GLE1: variants seen among roughly 807,000 people sequenced by gnomAD.
GLE1 encodes GLE1 RNA export mediator, also known as mRNA export factor GLE1.
Under a neutral mutation model 97.3 loss-of-function variants are expected in GLE1, and 78 were observed. The observed-to-expected ratio is 0.80, with a 90% CI of 0.67 to 0.97. The LOEUF is 0.97. GLE1 is among the 50% of genes least tolerant of loss of function. The pLI, the probability that GLE1 is intolerant of heterozygous loss-of-function variation, is 0.00. For synonymous variants in GLE1, 302 were observed against 313.4 expected (o/e 0.96, Z 0.39); for missense variants, 753 against 857.5 (o/e 0.88, Z 1.52).
At chr9:128,526,746 T>G (rs1267060573) in intron 7 of GLE1, among the ~76,000 whole-genome samples, 2 of 151,960 alleles carry the variant, frequency 1.3e-5, no homozygotes, top group Non-Finnish European at 2.9e-5. Context: ...TATGGCTCAC[T>G]ATAGCCTCAC....
At chr9:128,512,850 G>C (rs1419873398) in intron 2 of GLE1, among the ~76,000 whole-genome samples, 1 of 152,046 alleles carries the variant, frequency 6.6e-6, no homozygotes, top group African/African-American at 2.4e-5. Context: ...GTAGAGACGG[G>C]GTTTCACCAT....
At chr9:128,527,958 T>A (rs184866329) in intron 9 of GLE1, among the ~76,000 whole-genome samples, 148 of 150,018 alleles carry the variant, frequency 9.9e-4, no homozygotes, top group African/African-American at 3.5e-3. Context: ...AGCGAGACTC[T>A]GTCTCAAAAA....
chr9:128,509,040 T>C lies in GLE1; in HGVS notation c.264T>C (p.Ser88=). 2 of 1,613,944 alleles carry C rather than the reference T, an allele frequency of 1.2e-6. No homozygotes were observed. The highest frequency in any genetic ancestry group is 2.7e-5 in the African/African-American group (2 of 75,028). The change falls in exon 2 of 16, where the codon TCT becomes TCC. Residue 88 remains serine (S), a synonymous_variant. Coordinates refer to ENST00000309971, the MANE Select transcript of GLE1 (RefSeq NM_001003722.2). ...ALDQPSFVPK[S]PDASSAFSPA... The stretch of plus-strand genomic sequence containing the variant: ...ATCAACCCTCATTTGTTCCCAAATC[T>C]CCTGACGCAAGCTCTGCCTTTTCCC...
chr9:128,521,638 C>T (rs140288064), intron 3 of GLE1, among the ~76,000 whole-genome samples: 23 of 152,300 alleles, frequency 1.5e-4, no homozygotes, highest in African/African-American at 4.8e-4. Context: ...GCTGGCATCT[C>T]GTCATCTTTA....
intron 15 of GLE1, 200 bp from the exon 16 acceptor site, chr9:128,540,902 G>C (rs1847866174): frequency 1.7e-6 from 1 of 595,642 alleles, no homozygotes; most frequent in Non-Finnish European, 3.0e-6. Flanking sequence ...AATAATAAGA[G>C]CATTTCATTT....
chr9:128,518,149 C>T (rs999640356), intron 3 of GLE1, among the ~76,000 whole-genome samples: 6 of 151,562 alleles, frequency 4.0e-5, no homozygotes, highest in African/African-American at 9.7e-5. Context: ...ACTCACGTGC[C>T]TGGCCTATTT....
At position 128,527,236 on chromosome 9, in the gene GLE1, C is replaced by G; in HGVS notation, c.1187C>G (p.Ala396Gly). 1 of 1,611,968 alleles carries G rather than the reference C, an allele frequency of 6.2e-7. No individual in the cohort carries two copies. Among genetic ancestry groups the G allele is most frequent in the Non-Finnish European group, 8.5e-7 (1 of 1,178,014 alleles). Residue 396 changes from alanine to glycine, a missense_variant, in exon 8 of 16, where the codon GCT (alanine) becomes GGT (glycine). Transcript: ENST00000309971. Reference sequence around the variant, plus strand: ...CAGTGGTACCAGCAGCTGCAGGATGCTTCCATGCAGTGTGTGTTGACCTTT... The same window carrying G: ...CAGTGGTACCAGCAGCTGCAGGATGGTTCCATGCAGTGTGTGTTGACCTTT... ...TMQWYQQLQD[A>G]SMQCVLTFEG...
chr9:128,514,354 A>AG, intron 2 of GLE1, among the ~76,000 whole-genome samples: 1 of 151,944 alleles, frequency 6.6e-6, no homozygotes, highest in East Asian at 1.9e-4. Flanking sequence ...AAAAAAAAAA[A>AG]AAAAACTTAG....
chr9:128,516,480 C>A (rs1846990626), intron 3 of GLE1, among the ~76,000 whole-genome samples: 1 of 150,798 alleles, frequency 6.6e-6, no homozygotes, highest in African/African-American at 2.4e-5. Context: ...TCACCACGCC[C>A]AGCTAATTTT....
At position 128,522,827 on chromosome 9, in the gene GLE1, C is replaced by T; in HGVS notation, c.581+11C>T. ...AGTAATGGAGAAGAGGTGAGTCTCCCTGAATTATGACTGGGAATGTTGATG... is the reference window on the plus strand; with the variant it reads ...AGTAATGGAGAAGAGGTGAGTCTCCTTGAATTATGACTGGGAATGTTGATG... On this transcript the variant is annotated intron_variant, in intron 4 of 15. Coordinates refer to ENST00000309971, the MANE Select transcript of GLE1 (RefSeq NM_001003722.2). 6.2e-7 allele frequency: 1 copy of T among 1,613,108 alleles called. No individual in the cohort carries two copies. Among genetic ancestry groups the T allele is most frequent in the Non-Finnish European group, 8.5e-7 (1 of 1,179,246 alleles).
chr9:128,538,230 C>T, intron 13 of GLE1, 140 bp downstream of exon 13: 1 of 691,730 alleles, frequency 1.4e-6, no homozygotes, highest in Non-Finnish European at 2.7e-6. Flanking sequence ...TACATTTTTC[C>T]CAAGCTGTAG....
chr9:128,522,723 A>T lies in GLE1; in HGVS notation c.488A>T (p.Glu163Val). 1 of 1,610,982 alleles carries T rather than the reference A, an allele frequency of 6.2e-7. No homozygotes were observed. The highest frequency in any genetic ancestry group is 8.5e-7 in the Non-Finnish European group (1 of 1,179,118). Residue 163 changes from glutamate (E) to valine (V), a missense_variant, in exon 4 of 16, where the codon GAG (glutamate) becomes GTG (valine). Physicochemically the swap from Glu to Val is moderately radical, Grantham distance 121 (BLOSUM62 -2). Transcript: ENST00000309971. Reference protein sequence around the residue: ...EQERKVQALSEMASEQLKRFD... With the variant: ...EQERKVQALSVMASEQLKRFD... Reference sequence around the variant, plus strand: ...GAGAGGAAGGTGCAAGCCCTCTCGGAGATGGCATCTGAACAACTGAAGCGG... The same window carrying T: ...GAGAGGAAGGTGCAAGCCCTCTCGGTGATGGCATCTGAACAACTGAAGCGG...
At chr9:128,515,082 G>A (rs1166061779) in intron 2 of GLE1, among the ~76,000 whole-genome samples, 1 of 152,160 alleles carries the variant, frequency 6.6e-6, no homozygotes, top group East Asian at 1.9e-4. Context: ...GCCTCCCAAA[G>A]TACTGGGATT....
At chr9:128,536,751 T>C (rs1324416958) in intron 12 of GLE1, 2 of 393,434 alleles carry the variant, frequency 5.1e-6, no homozygotes, top group African/African-American at 4.1e-5. Context: ...TTAGAAGATT[T>C]TCTTACAAGA....
At chr9:128,529,740 A>G (rs1421866219) in intron 9 of GLE1, among the ~76,000 whole-genome samples, 1 of 143,454 alleles carries the variant, frequency 7.0e-6, no homozygotes, top group Non-Finnish European at 1.5e-5. Flanking sequence ...TGGGTTTCTT[A>G]GTCTTCTACC....
rs1846858165 is a variant in GLE1 at position 128,512,657 on chromosome 9, C to T, written c.322-2872C>T. ...CTTTATCTGTAAATCTCATTCTGGA[C>T]CAAATTGCTGAGGTCTTTTTTTTTT... On this transcript the variant is annotated intron_variant, in intron 2 of 15. Coordinates refer to ENST00000309971, the MANE Select transcript of GLE1 (RefSeq NM_001003722.2). 2.6e-5 allele frequency among the ~76,000 whole-genome samples: 4 copies of T among 151,870 alleles called. No individual in the cohort carries two copies. In the South Asian group the frequency reaches 8.3e-4, roughly 32 times the overall value.
chr9:128,508,325 G>A (rs1846703125), intron 1 of GLE1, among the ~76,000 whole-genome samples: 1 of 151,972 alleles, frequency 6.6e-6, no homozygotes, highest in Non-Finnish European at 1.5e-5. Flanking sequence ...AGGATAGCTT[G>A]AGCCCAGGAG....
intron 1 of GLE1, among the ~76,000 whole-genome samples, chr9:128,507,765 G>A (rs1846683050): frequency 6.6e-6 from 1 of 151,872 alleles, no homozygotes; most frequent in Non-Finnish European, 1.5e-5. Flanking sequence ...GTCGACACCT[G>A]TAATCCCAGC....
chr9:128,511,091 C>T (rs1370279078), intron 2 of GLE1, among the ~76,000 whole-genome samples: 2 of 151,324 alleles, frequency 1.3e-5, no homozygotes, highest in African/African-American at 2.4e-5. Flanking sequence ...GTAATCCCAT[C>T]TACTTGGGAG....
Sources: gnomAD v4.1 joint callset for allele counts (sites outside exome capture counted in the v4.1 genomes callset) on GRCh38, gnomAD v4.1.1 for gene constraint, MANE v1.5 for transcripts, NCBI Gene and HGNC (gene_info 2026-07-23, HGNC 2026-07-21) for gene names.